Variants in PLXNA2 observed in about 807,000 individuals in gnomAD.
The protein encoded by PLXNA2 is plexin A2, also known as plexin-A2.
Under a neutral mutation model 193.5 loss-of-function variants are expected in PLXNA2, and 91 were observed. That is an observed-to-expected ratio of 0.47 (90% confidence interval 0.40 to 0.56). PLXNA2 has a LOEUF of 0.56. Among genes scored for constraint, PLXNA2 ranks in the 20% least tolerant of loss-of-function variants. The pLI is 0.00. For synonymous variants in PLXNA2, 997 were observed against 1,027.3 expected (o/e 0.97, Z 0.56); for missense variants, 1,995 against 2,503.2 (o/e 0.80, Z 4.33).
chr1:208,031,480 C>A (rs1261039570), intron 29 of PLXNA2, 110 bp downstream of exon 29: 10 of 1,432,008 alleles, frequency 7.0e-6, no homozygotes, highest in Non-Finnish European at 9.7e-6. Context: ...GATCACCCAG[C>A]CCCAGCCGAG....
chr1:208,182,383 A>T (rs1008613278), intron 3 of PLXNA2, among the ~76,000 whole-genome samples: 2 of 152,194 alleles, frequency 1.3e-5, no homozygotes, highest in Non-Finnish European at 2.9e-5. Context: ...CAGTGAGCCC[A>T]GATCGCGCCA....
At position 208,188,954 on chromosome 1, in the gene PLXNA2, C is replaced by A. The variant is rs1049011249; in HGVS notation, c.1371+21326G>T. Among the ~76,000 whole-genome samples, 29 of 152,162 alleles carry A rather than the reference C, an allele frequency of 1.9e-4. 1 individual carries two copies. Among genetic ancestry groups the A allele is most frequent in the Non-Finnish European group, 1.5e-5 (1 of 68,026 alleles). ...CCCCAGATGGGCTGGATGTAGTGCA[C>A]CCAGGAAAAGGGATAAGCCACCTTA... is the stretch of plus-strand genomic sequence containing the variant. On this transcript the variant is annotated intron_variant, in intron 3 of 31. Transcript: ENST00000367033.
At chr1:208,238,834 G>A (rs765161564) in intron 1 of PLXNA2, among the ~76,000 whole-genome samples, 8 of 152,238 alleles carry the variant, frequency 5.3e-5, no homozygotes, top group Non-Finnish European at 7.3e-5. Context: ...GCCCCTCGGG[G>A]TTGGGTCAGA....
At chr1:208,063,502 T>C (rs1665681854) in intron 12 of PLXNA2, among the ~76,000 whole-genome samples, 1 of 152,212 alleles carries the variant, frequency 6.6e-6, no homozygotes, top group Non-Finnish European at 1.5e-5. Context: ...GGCATGAAGA[T>C]ACAAGTGAGA....
intron 4 of PLXNA2, among the ~76,000 whole-genome samples, chr1:208,120,592 T>C (rs1203672115): frequency 1.3e-5 from 2 of 152,236 alleles, no homozygotes. Context: ...TCTAGGCACA[T>C]GCCTTGGTAA....
chr1:208,046,866 A>G (rs1665088244), intron 17 of PLXNA2, among the ~76,000 whole-genome samples: 2 of 149,016 alleles, frequency 1.3e-5, no homozygotes, highest in Non-Finnish European at 3.0e-5. Context: ...AGGAAGTGGT[A>G]CGAGATGAGC....
At chr1:208,041,177 G>A (rs1386278945) in intron 22 of PLXNA2, among the ~76,000 whole-genome samples, 2 of 152,178 alleles carry the variant, frequency 1.3e-5, no homozygotes, top group Admixed American at 6.5e-5. Context: ...TTGGCAGGAT[G>A]GGGGCTCAGT....
rs111646994 is a variant in PLXNA2 at position 208,069,733 on chromosome 1, G to A, written c.2587-8896C>T. Among the ~76,000 whole-genome samples the A allele has an allele frequency of 8.8e-3, 1,338 of 152,260 alleles. 23 individuals are homozygous for A. The highest frequency in any genetic ancestry group is 0.03 in the African/African-American group (1,234 of 41,540). ...GGGAGCTTCACAAAGCCCAGCTCCC[G>A]TTCTAGAGACCCTATCTTCCTCTGG... On this transcript the variant is annotated intron_variant, in intron 12 of 31. Coordinates refer to ENST00000367033, the MANE Select transcript of PLXNA2 (RefSeq NM_025179.4).
intron 3 of PLXNA2, among the ~76,000 whole-genome samples, chr1:208,208,513 C>T (rs891676293): frequency 6.6e-6 from 1 of 152,182 alleles, no homozygotes; most frequent in Non-Finnish European, 1.5e-5. Flanking sequence ...GAAGCCTATC[C>T]CATGAGTGAA....
chr1:208,231,039 C>T (rs530478101), intron 1 of PLXNA2, among the ~76,000 whole-genome samples: 2 of 152,292 alleles, frequency 1.3e-5, no homozygotes, highest in African/African-American at 4.8e-5. Flanking sequence ...GGAGTGGCAT[C>T]AGTCCCTTGG....
rs899683554 is a variant in PLXNA2 at position 208,082,921 on chromosome 1, T to C, written c.2299-413A>G. On this transcript the variant is annotated intron_variant, in intron 10 of 31. Transcript: ENST00000367033. The surrounding 1 kb of genome is among the most constrained non-coding windows in gnomAD (Gnocchi z 4.2). ...GAGTCCTCTCCCACAACCCTGCAGA[T>C]CTGCCTCAAACTGTCCATCCCCTGG... 2.0e-5 allele frequency among the ~76,000 whole-genome samples: 3 copies of C among 152,168 alleles called. No individual in the cohort carries two copies. Among genetic ancestry groups the C allele is most frequent in the African/African-American group, 7.2e-5 (3 of 41,434 alleles).
At chr1:208,205,761 C>T (rs139915592) in intron 3 of PLXNA2, among the ~76,000 whole-genome samples, 19 of 152,264 alleles carry the variant, frequency 1.2e-4, no homozygotes, top group Non-Finnish European at 7.4e-5. Context: ...CTCACCATCA[C>T]GGGACAGTCT....
chr1:208,190,224 T>G (rs1031637896), intron 3 of PLXNA2, among the ~76,000 whole-genome samples: 1 of 152,212 alleles, frequency 6.6e-6, no homozygotes, highest in Non-Finnish European at 1.5e-5. Flanking sequence ...TCTCCATCAC[T>G]TACTTACGTC....
intron 5 of PLXNA2, among the ~76,000 whole-genome samples, 168 bp from the exon 6 acceptor site, chr1:208,099,137 C>T (rs1210627466): frequency 6.6e-6 from 1 of 152,168 alleles, no homozygotes; most frequent in Non-Finnish European, 1.5e-5. Flanking sequence ...AGACAGTCTC[C>T]GTCGCAGTTA....
chr1:208,077,181 C>T (rs1249518325), intron 12 of PLXNA2, among the ~76,000 whole-genome samples: 1 of 152,154 alleles, frequency 6.6e-6, no homozygotes, highest in Non-Finnish European at 1.5e-5. Flanking sequence ...TGGCTTGGGA[C>T]ACAGCATGGA....
At chr1:208,103,479 G>C (rs1037181499) in intron 4 of PLXNA2, among the ~76,000 whole-genome samples, 3 of 152,176 alleles carry the variant, frequency 2.0e-5, no homozygotes, top group Non-Finnish European at 4.4e-5. Flanking sequence ...CTTCGCGAGA[G>C]GTAGCAGCAA....
chr1:208,227,319 G>A (rs1671543459), intron 1 of PLXNA2, among the ~76,000 whole-genome samples: 1 of 152,086 alleles, frequency 6.6e-6, no homozygotes, highest in African/African-American at 2.4e-5. Flanking sequence ...CCCTGTATAT[G>A]CTATCCATAG....
At chr1:208,031,175 C>A in intron 29 of PLXNA2, 1 of 1,023,072 alleles carries the variant, frequency 9.8e-7, no homozygotes, top group African/African-American at 1.7e-5. Context: ...TCAGGAAGTG[C>A]CTTAGAACTG....
chr1:208,165,887 G>A (rs2590685), intron 3 of PLXNA2, among the ~76,000 whole-genome samples: 105,056 of 152,070 alleles, frequency 0.69, 36,759 homozygotes, highest in East Asian at 1. Flanking sequence ...CCATTGGCAA[G>A]CTGATTCAGT....
Sources: gnomAD v4.1 joint callset for allele counts (sites outside exome capture counted in the v4.1 genomes callset) on GRCh38, gnomAD v4.1.1 for gene constraint, Gnocchi (gnomAD v3.1) non-coding constraint, MANE v1.5 for transcripts, NCBI Gene and HGNC (gene_info 2026-07-23, HGNC 2026-07-21) for gene names.